OR5B12: variants seen among roughly 807,000 people sequenced by gnomAD.
OR5B12 encodes the protein olfactory receptor 5B12.
For missense variants in OR5B12, 418 were observed against 377.0 expected (o/e 1.11, Z -0.90); for synonymous variants, 154 against 138.0 (o/e 1.12, Z -0.81).
In OR5B12 at chr11:58,440,180, T is replaced by C. The variant is rs1462821499; in HGVS notation, c.-19-10A>G. On this transcript the variant is annotated splice_polypyrimidine_tract_variant and intron_variant, in intron 1 of 1. Coordinates refer to ENST00000641921, the MANE Select transcript of OR5B12 (RefSeq NM_001004733.3). ...GAATTATGTAGCTGCCCTGTAGAAA[T>C]GAAAAGGCAGAATCAGAATGATAAA... is the stretch of plus-strand genomic sequence containing the variant. 5.5e-6 allele frequency: 8 copies of C among 1,443,632 alleles called. No homozygotes were observed. Among genetic ancestry groups the C allele is most frequent in the Admixed American group, 2.0e-5 (1 of 50,012 alleles). The allele number at this position is 1,443,632 out of a possible 1,614,324, so 89.4% of individuals were successfully genotyped here.
At chr11:58,441,156 G>T (rs918445054) in intron 1 of OR5B12, among the ~76,000 whole-genome samples, 4 of 152,136 alleles carry the variant, frequency 2.6e-5, no homozygotes, top group African/African-American at 7.2e-5. Flanking sequence ...TGTTTTTAGT[G>T]ACAGAATTAG....
At chr11:58,440,429 A>G (rs1385887361) in intron 1 of OR5B12, among the ~76,000 whole-genome samples, 2 of 152,226 alleles carry the variant, frequency 1.3e-5, no homozygotes, top group African/African-American at 4.8e-5. Context: ...ACAGAAAAGG[A>G]AGATTCATAC....
chr11:58,439,715 GA>G lies in OR5B12; in HGVS notation c.436del (p.Ser146ProfsTer7), dbSNP rs1262132625. 1 of 1,614,012 alleles carries G rather than the reference GA, an allele frequency of 6.2e-7. No individual in the cohort carries two copies. Among genetic ancestry groups the G allele is most frequent in the African/African-American group, 1.3e-5 (1 of 74,918 alleles). On this transcript the variant is annotated frameshift_variant, in exon 2 of 2. Transcript: ENST00000641921. LOFTEE classifies it low-confidence loss of function (END_TRUNC). ...TGCATTCAGGAAACCACAGATGTAG[GA>G]GCCTATGGCCAGGCAAGCACATACA... The part of the protein sequence containing the change: ...TNVCACLAIG[S>X]YICGFLNASI...
In OR5B12 at chr11:58,439,071, G is replaced by T; in HGVS notation, c.*136C>A. ...ACAAAAAAAGTGTCACTTAAAGAAT[G>T]AAGAAAGTATGGCCAATTCATATGT... is the stretch of plus-strand genomic sequence containing the variant. On this transcript the variant is annotated 3_prime_UTR_variant, in exon 2 of 2. Coordinates refer to ENST00000641921, the MANE Select transcript of OR5B12 (RefSeq NM_001004733.3). The T allele has an allele frequency of 2.2e-6, 1 of 456,618 alleles. No homozygotes were observed. The highest frequency in any genetic ancestry group is 3.9e-6 in the Non-Finnish European group (1 of 254,836). 28.3% of individuals were successfully genotyped at this position (456,618 alleles called of 1,614,324 possible). A position where few individuals can be genotyped will look rare whatever the true frequency, so the allele number is the denominator to read the frequency against.
chr11:58,439,961 A>C lies in OR5B12; in HGVS notation c.191T>G (p.Leu64Arg), dbSNP rs929848680. Residue 64 changes from leucine (L) to arginine (R), a missense_variant, in exon 2 of 2, where the codon CTC (leucine) becomes CGC (arginine). Coordinates refer to ENST00000641921, the MANE Select transcript of OR5B12 (RefSeq NM_001004733.3). ...HTPMYFFLSN[L>R]SLVDFGYSSA... ...GGAATAACCAAAGTCCACCAGGGAG[A>C]GGTTACTGAGGAAGAAGTACATGGG... 2.5e-6 allele frequency: 4 copies of C among 1,614,104 alleles called. No homozygotes were observed. Among genetic ancestry groups the C allele is most frequent in the Non-Finnish European group, 3.4e-6 (4 of 1,180,006 alleles).
intron 1 of OR5B12, 42 bp from the exon 2 acceptor site, chr11:58,440,212 G>A: frequency 8.5e-7 from 1 of 1,183,242 alleles, no homozygotes; most frequent in Non-Finnish European, 1.2e-6. Flanking sequence ...TAAATGGAGG[G>A]AGGACTACTG....
At chr11:58,441,223 A>C (rs576795790) in intron 1 of OR5B12, among the ~76,000 whole-genome samples, 1 of 152,116 alleles carries the variant, frequency 6.6e-6, no homozygotes, top group Non-Finnish European at 1.5e-5. Context: ...GTAATTTTGC[A>C]CATCTCTATT....
chr11:58,441,955 C>T (rs950034635), intron 1 of OR5B12, 91 bp downstream of exon 1: 6 of 152,142 alleles, frequency 3.9e-5, no homozygotes, highest in Admixed American at 3.3e-4. Flanking sequence ...CCTGATTAAA[C>T]CAAAGGAGAA....
rs1223101944 is a variant in OR5B12, at chr11:58,439,073, A to G, written c.*134T>C. On this transcript the variant is annotated 3_prime_UTR_variant, in exon 2 of 2. Coordinates refer to ENST00000641921, the MANE Select transcript of OR5B12 (RefSeq NM_001004733.3). ...AAAAAAAGTGTCACTTAAAGAATGA[A>G]GAAAGTATGGCCAATTCATATGTTT... 1 of 458,388 alleles carries G rather than the reference A, an allele frequency of 2.2e-6. No individual in the cohort carries two copies. Among genetic ancestry groups the G allele is most frequent in the Non-Finnish European group, 3.9e-6 (1 of 255,888 alleles). 28.4% of individuals were successfully genotyped at this position (458,388 alleles called of 1,614,324 possible). A position where few individuals can be genotyped will look rare whatever the true frequency, so the allele number is the denominator to read the frequency against.
In OR5B12 at chr11:58,440,076, A is replaced by G; in HGVS notation, c.76T>C (p.Phe26Leu). The G allele has an allele frequency of 6.2e-7, 1 of 1,614,098 alleles. No homozygotes were observed. Among genetic ancestry groups the G allele is most frequent in the Non-Finnish European group, 8.5e-7 (1 of 1,179,976 alleles). Reference sequence around the variant, plus strand: ...AGGTAGATGAAAAGGAAGACTATGAAGAGTGGGATCTGCAGTTCTGGGTCA... The same window carrying G: ...AGGTAGATGAAAAGGAAGACTATGAGGAGTGGGATCTGCAGTTCTGGGTCA... ...TDDPELQIPL[F>L]IVFLFIYLIT... The change falls in exon 2 of 2, where the codon TTC (phenylalanine) becomes CTC (leucine). Residue 26 changes from phenylalanine (F) to leucine (L), a missense_variant. By Grantham distance (22) the Phe-to-Leu change is conservative (BLOSUM62 0). Transcript: ENST00000641921.
Position 58,439,530 on chromosome 11 carries a change from A to G in OR5B12, c.622T>C (p.Ser208Pro). ...FFVVGFNDLF[S>P]ILVILISYLF... ...TAGGAGATCAAGATTACCAGGATAG[A>G]AAAGAGGTCATTGAATCCCACCACA... Residue 208 changes from serine (S) to proline (P), a missense_variant, in exon 2 of 2, where the codon TCT becomes CCT. Coordinates refer to ENST00000641921, the MANE Select transcript of OR5B12 (RefSeq NM_001004733.3). 1 of 1,613,778 alleles carries G rather than the reference A, an allele frequency of 6.2e-7. No individual in the cohort carries two copies. Among genetic ancestry groups the G allele is most frequent in the South Asian group, 1.1e-5 (1 of 91,028 alleles).
chr11:58,440,895 G>A (rs749778364), intron 1 of OR5B12, among the ~76,000 whole-genome samples: 19 of 152,058 alleles, frequency 1.2e-4, no homozygotes, highest in African/African-American at 3.9e-4. Flanking sequence ...CTCTAATTTC[G>A]AATGGAGCAC....
Position 58,439,354 on chromosome 11 carries a change from C to T in OR5B12, c.798G>A (p.Met266Ile), listed in dbSNP as rs921285758. The T allele has an allele frequency of 6.2e-7, 1 of 1,613,958 alleles. No individual in the cohort carries two copies. Among genetic ancestry groups the T allele is most frequent in the Non-Finnish European group, 8.5e-7 (1 of 1,179,974 alleles). ...MYLRPNSSHF[M>I]GTDKMASVFY... The stretch of plus-strand genomic sequence containing the variant: ...ACACAGATGCCATTTTGTCTGTGCC[C>T]ATGAAATGGCTGGAGTTAGGTCGTA... Residue 266 changes from methionine (M) to isoleucine (I), a missense_variant, in exon 2 of 2, where the codon ATG becomes ATA. Physicochemically the swap from Met to Ile is conservative, Grantham distance 10. Coordinates refer to ENST00000641921, the MANE Select transcript of OR5B12 (RefSeq NM_001004733.3).
chr11:58,440,885 C>T (rs1215607714), intron 1 of OR5B12, among the ~76,000 whole-genome samples: 2 of 152,180 alleles, frequency 1.3e-5, no homozygotes, highest in Non-Finnish European at 2.9e-5. Flanking sequence ...TCTCTACAAG[C>T]TCTAATTTCG....
rs1405995375 is a variant in OR5B12, at chr11:58,439,497, T to C, written c.655A>G (p.Ile219Val). The C allele has an allele frequency of 4.3e-6, 7 of 1,613,950 alleles. No homozygotes were observed. The South Asian group carries it at 7.7e-5, about 18-fold the overall frequency. ...CGCATCTTCATGATGGTGATAAATATAAATAAGTAGGAGATCAAGATTACC... is the reference window on the plus strand; with the variant it reads ...CGCATCTTCATGATGGTGATAAATACAAATAAGTAGGAGATCAAGATTACC... ...ILVILISYLF[I>V]FITIMKMRSP... Residue 219 changes from isoleucine to valine, a missense_variant, in exon 2 of 2, where the codon ATA becomes GTA. Coordinates refer to ENST00000641921, the MANE Select transcript of OR5B12 (RefSeq NM_001004733.3).
Position 58,439,207 on chromosome 11 carries a change from T to C in OR5B12, c.945A>G (p.Ter315=). The C allele has an allele frequency of 6.8e-7, 1 of 1,479,392 alleles. No homozygotes were observed. The highest frequency in any genetic ancestry group is 9.2e-7 in the Non-Finnish European group (1 of 1,087,694). 91.6% of individuals were successfully genotyped at this position (1,479,392 alleles called of 1,614,324 possible). A position where few individuals can be genotyped will look rare whatever the true frequency, so the allele number is the denominator to read the frequency against. ...KAKASIGFIF[*] ...TTATCTTATTGTGAATTCTTTATAA[T>C]TAAAATATGAATCCTATAGAGGCCT... Residue 315 remains the stop codon, a stop_retained_variant, in exon 2 of 2, where the codon TAA becomes TAG. Transcript: ENST00000641921.
chr11:58,442,068 A>G lies in OR5B12; in HGVS notation c.-42T>C, dbSNP rs1855507160. On this transcript the variant is annotated 5_prime_UTR_variant, in exon 1 of 2. Transcript: ENST00000641921. ...TACCTTTCTCCCTGAGAAATACAAA[A>G]TTCAGGTCCAGCACTTTCATATATA... 1 of 152,206 alleles carries G rather than the reference A, an allele frequency of 6.6e-6. No homozygotes were observed. Among genetic ancestry groups the G allele is most frequent in the Non-Finnish European group, 1.5e-5 (1 of 68,026 alleles). 9.4% of individuals were successfully genotyped at this position (152,206 alleles called of 1,614,324 possible).
rs111706434 is a variant in OR5B12, at chr11:58,440,399, A to G, written c.-19-229T>C. On this transcript the variant is annotated intron_variant, in intron 1 of 1. Transcript: ENST00000641921. ...TAATTCATCCCGAACTCCTAATTTCATAGATTACCGAACTAAGGTACAGAA... is the reference window on the plus strand; with the variant it reads ...TAATTCATCCCGAACTCCTAATTTCGTAGATTACCGAACTAAGGTACAGAA... 3.0e-3 allele frequency among the ~76,000 whole-genome samples: 450 copies of G among 152,364 alleles called. 2 individuals carry two copies. The highest frequency in any genetic ancestry group is 0.01 in the African/African-American group (430 of 41,590).
rs147291417 is a variant in OR5B12 at position 58,439,394 on chromosome 11, C to A, written c.758G>T (p.Gly253Val). The A allele has an allele frequency of 1.2e-6, 2 of 1,613,912 alleles. No homozygotes were observed. The highest frequency in any genetic ancestry group is 2.2e-5 in the South Asian group (2 of 91,058). Residue 253 changes from glycine to valine, a missense_variant, in exon 2 of 2, where the codon GGA becomes GTA. Transcript: ENST00000641921. The part of the protein sequence containing the change: ...LTAVSIFYGT[G>V]IFMYLRPNSS... ...GTTAGGTCGTAAGTACATAAAGATT[C>A]CTGTCCCATAAAAGATGGAAACTGC...
Sources: gnomAD v4.1 joint callset for allele counts (sites outside exome capture counted in the v4.1 genomes callset) on GRCh38, gnomAD v4.1.1 for gene constraint, MANE v1.5 for transcripts, NCBI Gene and HGNC (gene_info 2026-07-23, HGNC 2026-07-21) for gene names.